Variants in XKRX observed in about 807,000 individuals in gnomAD.
XKRX encodes the protein XK-related protein 2.
A neutral mutation model predicts 22.4 loss-of-function variants in XKRX; 11 were observed. That is an observed-to-expected ratio of 0.49 (90% CI 0.31 to 0.81). The LOEUF (loss-of-function observed/expected upper bound fraction) is 0.81. Ranked by LOEUF, XKRX falls within the 40% of genes least tolerant of loss-of-function variation. The probability of loss-of-function intolerance (pLI) is 0.05; values close to 1 mark genes in which losing one functional copy is unlikely to be tolerated. For missense variants in XKRX, 320 were observed against 336.5 expected (o/e 0.95, Z 0.38); for synonymous variants, 114 against 132.2 (o/e 0.86, Z 0.94).
the XKRX span, among the ~76,000 whole-genome samples, chrX:100,942,828 C>T: frequency 9.0e-6 from 1 of 111,185 alleles, no homozygotes; most frequent in Non-Finnish European, 1.9e-5. Flanking sequence ...TACTGATACC[C>T]TTAATCAGGT....
intron 1 of XKRX, among the ~76,000 whole-genome samples, chrX:100,925,701 A>G (rs6616200): frequency 8.0e-5 from 9 of 111,990 alleles, no homozygotes; most frequent in African/African-American, 2.9e-4. Context: ...CTGTAGTCAC[A>G]ACTTTAAATT....
chrX:100,931,434 C>T (rs1569456787), upstream of XKRX, among the ~76,000 whole-genome samples: 1 of 111,280 alleles, frequency 9.0e-6, no homozygotes. Context: ...TTGCTCACTC[C>T]CACCTCTGCC....
chrX:100,941,674 A>C, the XKRX span, among the ~76,000 whole-genome samples: 99 of 112,568 alleles, frequency 8.8e-4, no homozygotes, highest in East Asian at 0.026. Context: ...AGAAAGTTCT[A>C]ATGGACAAGC....
chrX:100,894,868 A>G, the XKRX span, among the ~76,000 whole-genome samples: 1 of 112,196 alleles, frequency 8.9e-6, no homozygotes, highest in Non-Finnish European at 1.9e-5. Flanking sequence ...AAAGTATAAG[A>G]ATTTCTGAGT....
At chrX:100,911,426 A>G (rs2085406761), downstream of XKRX, 5 of 863,655 alleles carry the variant, frequency 5.8e-6, no homozygotes, top group Non-Finnish European at 8.6e-6. Flanking sequence ...TATTTGGGGA[A>G]AATATGCCCA....
At chrX:100,954,526 T>C in the XKRX span, among the ~76,000 whole-genome samples, 2 of 111,461 alleles carry the variant, frequency 1.8e-5, no homozygotes, top group Admixed American at 9.5e-5. Context: ...AAAGGTTAAG[T>C]ATGGAGTTAA....
At chrX:100,939,913 A>G in the XKRX span, among the ~76,000 whole-genome samples, 2 of 112,331 alleles carry the variant, frequency 1.8e-5, no homozygotes, top group African/African-American at 6.5e-5. Flanking sequence ...TCCTGTTTAG[A>G]CTTATTTTAT....
At chrX:100,944,643 G>T in the XKRX span, among the ~76,000 whole-genome samples, 1 of 112,399 alleles carries the variant, frequency 8.9e-6, no homozygotes, top group Admixed American at 9.4e-5. Context: ...GATTACAGGC[G>T]TGAGCCACCA....
the XKRX span, among the ~76,000 whole-genome samples, chrX:100,889,007 G>C: frequency 9.0e-6 from 1 of 110,509 alleles, no homozygotes; most frequent in African/African-American, 3.3e-5. Flanking sequence ...GGGAGGTTGA[G>C]GTGGGCTGAT....
At chrX:100,933,182 A>G (rs1284089896), upstream of XKRX, among the ~76,000 whole-genome samples, 1 of 109,764 alleles carries the variant, frequency 9.1e-6, no homozygotes, top group Admixed American at 9.7e-5. Flanking sequence ...AAAAAAAAGA[A>G]AAAGAAAAAG....
At chrX:100,957,810 GC>G in the XKRX span, among the ~76,000 whole-genome samples, 26 of 111,761 alleles carry the variant, frequency 2.3e-4, no homozygotes, top group African/African-American at 8.5e-4. Context: ...TCTACCTGGT[GC>G]CCATGTTCTG....
At chrX:100,924,214 TC>T (rs1166090811) in intron 1 of XKRX, among the ~76,000 whole-genome samples, 1 of 108,916 alleles carries the variant, frequency 9.2e-6, no homozygotes, top group Non-Finnish European at 1.9e-5. Flanking sequence ...TTGGGACAGA[TC>T]AGAGGAAAAA....
the XKRX span, among the ~76,000 whole-genome samples, chrX:100,902,747 A>G: frequency 9.1e-6 from 1 of 110,483 alleles, no homozygotes. Flanking sequence ...CAATTTGATA[A>G]AGAACATCTA....
At chrX:100,888,612 C>T in the XKRX span, 34 of 429,094 alleles carry the variant, frequency 7.9e-5, 1 homozygote, top group African/African-American at 7.7e-4. Flanking sequence ...AGAAGAGAGA[C>T]TTTAATGATG....
At chrX:100,907,149 C>G in the XKRX span, among the ~76,000 whole-genome samples, 1 of 111,541 alleles carries the variant, frequency 9.0e-6, no homozygotes, top group African/African-American at 3.3e-5. Flanking sequence ...TTTTTATAGC[C>G]TCATCTTAGA....
chrX:100,888,283 A>G, the XKRX span: 1 of 711,889 alleles, frequency 1.4e-6, no homozygotes, highest in Non-Finnish European at 2.2e-6. Flanking sequence ...TCTTTTTCAC[A>G]GTTAAGTGGG....
At chrX:100,942,934 C>A in the XKRX span, among the ~76,000 whole-genome samples, 2 of 111,482 alleles carry the variant, frequency 1.8e-5, no homozygotes, top group African/African-American at 3.3e-5. Context: ...AAAAGAGATA[C>A]TAACTCCACT....
the XKRX span, among the ~76,000 whole-genome samples, chrX:100,898,265 T>G: frequency 1.8e-5 from 2 of 111,654 alleles, no homozygotes; most frequent in Non-Finnish European, 3.8e-5. Flanking sequence ...CCTATGAAAA[T>G]GGCAGCCTAC....
chrX:100,913,184 CGA>C (rs201585484), downstream of XKRX, among the ~76,000 whole-genome samples: 6,149 of 106,170 alleles, frequency 0.058, 411 homozygotes, highest in African/African-American at 0.18. Flanking sequence ...GAAAACAGAG[CGA>C]GACTCCATCT....
Sources: gnomAD v4.1 joint callset for allele counts (sites outside exome capture counted in the v4.1 genomes callset) on GRCh38, gnomAD v4.1.1 for gene constraint, MANE v1.5 for transcripts, NCBI Gene and HGNC (gene_info 2026-07-23, HGNC 2026-07-21) for gene names.